Variants in ARHGAP42 observed in about 807,000 individuals in gnomAD.
The protein encoded by ARHGAP42 is Rho GTPase activating protein 42.
ARHGAP42 carries 63 observed loss-of-function variants against 125.0 expected under a neutral mutation model. That is an observed-to-expected ratio of 0.50 (90% CI 0.41 to 0.62). The LOEUF (loss-of-function observed/expected upper bound fraction) is 0.62, where lower values mean the gene tolerates loss of function less well. Among genes scored for constraint, ARHGAP42 ranks in the 20% least tolerant of loss-of-function variants. The pLI, the probability that ARHGAP42 is intolerant of heterozygous loss-of-function variation, is 0.00. For synonymous variants in ARHGAP42, 339 were observed against 351.0 expected (o/e 0.97, Z 0.38); for missense variants, 766 against 1,024.2 (o/e 0.75, Z 3.44).
At chr11:100,945,432 G>A (rs1867989908) in intron 10 of ARHGAP42, among the ~76,000 whole-genome samples, 1 of 152,052 alleles carries the variant, frequency 6.6e-6, no homozygotes, top group African/African-American at 2.4e-5. Context: ...TTTCTAGAAG[G>A]TTTTCAGTGT....
At chr11:100,727,185 G>A (rs1297938167) in intron 1 of ARHGAP42, among the ~76,000 whole-genome samples, 2 of 152,136 alleles carry the variant, frequency 1.3e-5, no homozygotes, top group African/African-American at 4.8e-5. Flanking sequence ...CAGCAAACTT[G>A]GAAAACCATC....
At position 100,987,597 on chromosome 11, in the gene ARHGAP42, G is replaced by A; in HGVS notation, c.2536+5G>A. Reference sequence around the variant, plus strand: ...AAGGAGCAATATTTTCTAATGGTAAGTATGTCAATTCCCTCTGCCTAAGTT... The same window carrying A: ...AAGGAGCAATATTTTCTAATGGTAAATATGTCAATTCCCTCTGCCTAAGTT... On this transcript the variant is annotated splice_donor_5th_base_variant and intron_variant, in intron 23 of 23. Transcript: ENST00000298815. The A allele has an allele frequency of 6.4e-7, 1 of 1,550,502 alleles. No homozygotes were observed. Among genetic ancestry groups the A allele is most frequent in the African/African-American group, 1.4e-5 (1 of 73,086 alleles).
At chr11:100,920,540 G>A (rs1867209798) in intron 5 of ARHGAP42, among the ~76,000 whole-genome samples, 1 of 152,026 alleles carries the variant, frequency 6.6e-6, no homozygotes, top group African/African-American at 2.4e-5. Context: ...CTTTCCATCT[G>A]CTTTTGTAAT....
At chr11:100,936,491 G>T (rs562399067) in intron 8 of ARHGAP42, among the ~76,000 whole-genome samples, 159 bp downstream of exon 8, 5 of 152,214 alleles carry the variant, frequency 3.3e-5, no homozygotes, top group African/African-American at 7.2e-5. Flanking sequence ...ACGTTTTTCC[G>T]CATTTTGCCA....
At chr11:100,903,258 A>G (rs1765039529) in intron 4 of ARHGAP42, among the ~76,000 whole-genome samples, 1 of 152,022 alleles carries the variant, frequency 6.6e-6, no homozygotes, top group African/African-American at 2.4e-5. Flanking sequence ...TTCTACTGCT[A>G]TTGCTTTTAC....
chr11:100,812,307 C>A (rs1591201766), intron 3 of ARHGAP42, among the ~76,000 whole-genome samples: 1 of 151,908 alleles, frequency 6.6e-6, no homozygotes, highest in Non-Finnish European at 1.5e-5. Flanking sequence ...GATTTTATAC[C>A]CAGAAGTAGT....
intron 1 of ARHGAP42, among the ~76,000 whole-genome samples, chr11:100,729,396 A>T (rs7126015): frequency 6.6e-6 from 1 of 151,926 alleles, no homozygotes; most frequent in Non-Finnish European, 1.5e-5. Context: ...ATTAAAGCAT[A>T]AGAAAACTGT....
intron 4 of ARHGAP42, among the ~76,000 whole-genome samples, chr11:100,896,422 T>A (rs565546352): frequency 6.6e-6 from 1 of 152,330 alleles, no homozygotes; most frequent in African/African-American, 2.4e-5. Context: ...CGTCACACTG[T>A]CTTCCACAAT....
intron 4 of ARHGAP42, among the ~76,000 whole-genome samples, chr11:100,904,247 CTT>C (rs1555021418): frequency 8.3e-5 from 12 of 143,720 alleles, no homozygotes; most frequent in Admixed American, 7.0e-5. Context: ...TTTCCTCTCT[CTT>C]TTTTTTTTTT....
chr11:100,781,032 TCAGCCCA>T (rs1863298987), intron 2 of ARHGAP42, among the ~76,000 whole-genome samples: 2 of 152,318 alleles, frequency 1.3e-5, no homozygotes, highest in Non-Finnish European at 2.9e-5. Flanking sequence ...TTCTCAAAGT[TCAGCCCA>T]CTGGCCCTGT....
chr11:100,981,021 A>G lies in ARHGAP42; in HGVS notation c.2456+1972A>G, dbSNP rs548305874. On this transcript the variant is annotated intron_variant, in intron 22 of 23. Transcript: ENST00000298815. Reference sequence around the variant, plus strand: ...CTTGTGATTTGTGTGACAACTTTTCACTGAGGCACAGGGGAACATGAATGA... The same window carrying G: ...CTTGTGATTTGTGTGACAACTTTTCGCTGAGGCACAGGGGAACATGAATGA... Among the ~76,000 whole-genome samples the G allele has an allele frequency of 3.9e-5, 6 of 152,286 alleles. No homozygotes were observed. In the South Asian group the frequency reaches 1.2e-3, roughly 32 times the overall value.
At chr11:100,713,276 G>A (rs540763069) in intron 1 of ARHGAP42, among the ~76,000 whole-genome samples, 3 of 152,274 alleles carry the variant, frequency 2.0e-5, no homozygotes, top group African/African-American at 7.2e-5. Flanking sequence ...AGGAAAATAT[G>A]TCCTTATTGT....
At chr11:100,984,738 C>T (rs1348967396) in intron 22 of ARHGAP42, among the ~76,000 whole-genome samples, 1 of 151,724 alleles carries the variant, frequency 6.6e-6, no homozygotes, top group Non-Finnish European at 1.5e-5. Context: ...CCTCACTCTC[C>T]CAAGCAGTAA....
chr11:100,722,739 C>T (rs1178572827), intron 1 of ARHGAP42, among the ~76,000 whole-genome samples: 1 of 152,180 alleles, frequency 6.6e-6, no homozygotes, highest in Non-Finnish European at 1.5e-5. Context: ...GCTTTACTTC[C>T]AGTCTACAGC....
rs200506740 is a variant in ARHGAP42, at chr11:100,899,671, TTTTG to T, written c.385-13761_385-13758del. ...AGAGACTAGGATTGTAGTCCCTGCT[TTTTG>T]TTTGTTTGTTTGTTTGTTTTGTTTT... On this transcript the variant is annotated intron_variant, in intron 4 of 23. Transcript: ENST00000298815. Among the ~76,000 whole-genome samples, 236 of 81,098 alleles carry T rather than the reference TTTTG, an allele frequency of 2.9e-3. No individual in the cohort carries two copies. The East Asian group carries it at 0.068, about 23-fold the overall frequency. The allele number at this position is 81,098 out of a possible 152,430, so 53.2% of individuals were successfully genotyped here.
chr11:100,929,182 T>TA (rs1376545295), intron 6 of ARHGAP42, among the ~76,000 whole-genome samples: 1 of 152,084 alleles, frequency 6.6e-6, no homozygotes, highest in Admixed American at 6.6e-5. Flanking sequence ...CATCAGGCAT[T>TA]AGTTAGATTC....
At chr11:100,852,606 G>A (rs759190390) in intron 3 of ARHGAP42, among the ~76,000 whole-genome samples, 2 of 152,102 alleles carry the variant, frequency 1.3e-5, no homozygotes, top group African/African-American at 2.4e-5. Flanking sequence ...CTCTAAGTTA[G>A]GGGTTAGAAC....
At chr11:100,880,934 T>G (rs1359496973) in intron 4 of ARHGAP42, among the ~76,000 whole-genome samples, 1 of 113,924 alleles carries the variant, frequency 8.8e-6, no homozygotes, top group East Asian at 2.7e-4. Context: ...GCCCACTTTT[T>G]GATAGGATTT....
intron 1 of ARHGAP42, among the ~76,000 whole-genome samples, chr11:100,749,017 T>C (rs1336794942): frequency 2.0e-5 from 3 of 152,094 alleles, no homozygotes; most frequent in East Asian, 1.9e-4. Context: ...TCCCTCTTTC[T>C]CTTTGACTCT....
Sources: gnomAD v4.1 joint callset for allele counts (sites outside exome capture counted in the v4.1 genomes callset) on GRCh38, gnomAD v4.1.1 for gene constraint, MANE v1.5 for transcripts, NCBI Gene and HGNC (gene_info 2026-07-23, HGNC 2026-07-21) for gene names.